KCNQ4: variants seen among roughly 807,000 people sequenced by gnomAD.
KCNQ4 encodes potassium voltage-gated channel subfamily KQT member 4.
A neutral mutation model predicts 72.6 loss-of-function variants in KCNQ4; 31 were observed. The observed-to-expected ratio is 0.43, with a 90% CI of 0.32 to 0.58. The LOEUF (loss-of-function observed/expected upper bound fraction) is 0.58, where lower values mean the gene tolerates loss of function less well. Ranked by LOEUF, KCNQ4 falls within the 20% of genes least tolerant of loss-of-function variation. The probability of loss-of-function intolerance (pLI) is 0.08; values close to 1 mark genes in which losing one functional copy is unlikely to be tolerated. For missense variants in KCNQ4, 869 were observed against 962.6 expected (o/e 0.90, Z 1.29); for synonymous variants, 405 against 403.7 (o/e 1.00, Z -0.04).
chr1:40,809,700 T>C (rs531952027), intron 1 of KCNQ4, among the ~76,000 whole-genome samples: 6 of 152,332 alleles, frequency 3.9e-5, no homozygotes, highest in African/African-American at 1.4e-4. Flanking sequence ...TCTTATCTCC[T>C]TTGATCTATT....
intron 7 of KCNQ4, among the ~76,000 whole-genome samples, chr1:40,822,056 A>G (rs960361948): frequency 1.3e-5 from 2 of 152,208 alleles, no homozygotes; most frequent in Non-Finnish European, 2.9e-5. Context: ...CTGCCTGACA[A>G]CAAAACTCCA....
intron 1 of KCNQ4, among the ~76,000 whole-genome samples, chr1:40,814,047 T>TGCA (rs1648010980): frequency 3.1e-5 from 1 of 32,370 alleles, no homozygotes; most frequent in African/African-American, 9.6e-5. Context: ...GCGCCCGGCC[T>TGCA]TTTTTTTTTT....
At chr1:40,837,628 G>A in intron 12 of KCNQ4, 37 bp from the exon 13 acceptor site, 3 of 1,598,846 alleles carry the variant, frequency 1.9e-6, no homozygotes, top group South Asian at 1.1e-5. Context: ...GAGGGACGGC[G>A]TGTCCCCGGG....
At position 40,784,731 on chromosome 1, in the gene KCNQ4, G is replaced by C. The variant is rs1647186352; in HGVS notation, c.314+324G>C. Among the ~76,000 whole-genome samples, 1 of 152,226 alleles carries C rather than the reference G, an allele frequency of 6.6e-6. No individual in the cohort carries two copies. Among genetic ancestry groups the C allele is most frequent in the Non-Finnish European group, 1.5e-5 (1 of 68,032 alleles). On this transcript the variant is annotated intron_variant, in intron 1 of 13. Transcript: ENST00000347132. This position sits in a 1 kb window ranked among gnomAD's most constrained non-coding sequence, Gnocchi z 4.1. ...GCCTCCCCCAAGTCCGCTTGGCGAA[G>C]TCTGGGGCCCCTGGAGTGGGCGCCC...
chr1:40,785,989 G>T (rs1020165838), intron 1 of KCNQ4, among the ~76,000 whole-genome samples: 1 of 152,150 alleles, frequency 6.6e-6, no homozygotes, highest in Admixed American at 6.5e-5. Flanking sequence ...CAGGGTCAAC[G>T]GTTTGTAGTA....
At chr1:40,803,015 T>C (rs1276414380) in intron 1 of KCNQ4, among the ~76,000 whole-genome samples, 1 of 152,178 alleles carries the variant, frequency 6.6e-6, no homozygotes, top group African/African-American at 2.4e-5. Context: ...ATACAATTTG[T>C]CCCCTTCCCC....
chr1:40,826,466 G>C (rs1162572634), intron 9 of KCNQ4, among the ~76,000 whole-genome samples: 2 of 152,178 alleles, frequency 1.3e-5, no homozygotes, highest in African/African-American at 2.4e-5. Flanking sequence ...GGATCCCTAT[G>C]CAAAGTGTGA....
chr1:40,815,527 T>C (rs1330223451), intron 1 of KCNQ4, among the ~76,000 whole-genome samples: 3 of 152,198 alleles, frequency 2.0e-5, no homozygotes, highest in Admixed American at 2.0e-4. Flanking sequence ...TGATTAATTA[T>C]TGAACATGAG....
chr1:40,819,141 G>A, intron 4 of KCNQ4, among the ~76,000 whole-genome samples: 1 of 139,658 alleles, frequency 7.2e-6, no homozygotes, highest in South Asian at 2.6e-4. Flanking sequence ...TGAGGGTGGG[G>A]GTGGGAATGG....
Position 40,820,243 on chromosome 1 carries a change from G to A in KCNQ4, c.1024G>A (p.Ala342Thr). The change falls in exon 7 of 14, where the codon GCA becomes ACA. Residue 342 changes from alanine (A) to threonine (T), a missense_variant. Transcript: ENST00000347132. ...QKHFEKRRMPAANLIQAAWRL... is the reference protein window; with the variant it reads ...QKHFEKRRMPTANLIQAAWRL... ...GCACTTCGAGAAGCGGAGGATGCCG[G>A]CAGCCAACCTCATCCAGGTACAAGA... 6.2e-7 allele frequency: 1 copy of A among 1,606,942 alleles called. No individual in the cohort carries two copies. The highest frequency in any genetic ancestry group is 8.5e-7 in the Non-Finnish European group (1 of 1,176,882).
intron 1 of KCNQ4, among the ~76,000 whole-genome samples, chr1:40,803,514 G>T (rs1647646367): frequency 6.6e-6 from 1 of 152,322 alleles, no homozygotes; most frequent in East Asian, 1.9e-4. Context: ...GGGCCTGCAG[G>T]CTGGGCAGCC....
In KCNQ4 at chr1:40,818,580, T is replaced by C; in HGVS notation, c.608T>C (p.Leu203Pro). The change falls in exon 4 of 14, where the codon CTG (leucine) becomes CCG (proline). Residue 203 changes from leucine (L) to proline (P), a missense_variant. By Grantham distance (98) the Leu-to-Pro change is moderately conservative (BLOSUM62 -3). Coordinates refer to ENST00000347132, the MANE Select transcript of KCNQ4 (RefSeq NM_004700.4). ...TQGNIFATSA[L>P]RSMRFLQILR... ...GGCAACATCTTCGCCACGTCCGCGC[T>C]GCGCAGCATGCGCTTCCTGCAGATC... 1 of 1,605,640 alleles carries C rather than the reference T, an allele frequency of 6.2e-7. No individual in the cohort carries two copies. The highest frequency in any genetic ancestry group is 1.3e-5 in the African/African-American group (1 of 75,058).
At chr1:40,800,149 C>A (rs1647532832) in intron 1 of KCNQ4, among the ~76,000 whole-genome samples, 1 of 152,134 alleles carries the variant, frequency 6.6e-6, no homozygotes, top group African/African-American at 2.4e-5. Flanking sequence ...CAGCCCTAGG[C>A]TCAAGGACGG....
At position 40,819,332 on chromosome 1, in the gene KCNQ4, C is replaced by T; in HGVS notation, c.709-15C>T. 1.9e-6 allele frequency: 3 copies of T among 1,613,586 alleles called. No individual in the cohort carries two copies. The highest frequency in any genetic ancestry group is 2.5e-6 in the Non-Finnish European group (3 of 1,179,948). ...GCACAGCGCTCCTCACCGCGCCCCTCCGCCTGCCCCGCAGGAGCTGATCAC... is the reference window on the plus strand; with the variant it reads ...GCACAGCGCTCCTCACCGCGCCCCTTCGCCTGCCCCGCAGGAGCTGATCAC... On this transcript the variant is annotated splice_polypyrimidine_tract_variant and intron_variant, in intron 4 of 13. Coordinates refer to ENST00000347132, the MANE Select transcript of KCNQ4 (RefSeq NM_004700.4).
In KCNQ4 at chr1:40,784,325, A is replaced by T; in HGVS notation, c.232A>T (p.Lys78Ter). Residue 78 changes from lysine (K) to a stop codon, truncating the protein, a stop_gained, in exon 1 of 14, where the codon AAG (lysine) becomes TAG (stop). Transcript: ENST00000347132. LOFTEE classifies it high-confidence loss of function. This position sits in a 1 kb window ranked among gnomAD's most constrained non-coding sequence, Gnocchi z 4.1. ...CGGCCAGCGCTCCTCGGCCGCGCAC[A>T]AGCGCTACCGCCGCCTGCAGAACTG... is the stretch of plus-strand genomic sequence containing the variant. ...ACGQRSSAAH[K>*]RYRRLQNWVY... The T allele has an allele frequency of 2.5e-6, 4 of 1,607,800 alleles. No individual in the cohort carries two copies. The highest frequency in any genetic ancestry group is 3.4e-6 in the Non-Finnish European group (4 of 1,178,754).
chr1:40,790,434 T>G (rs904416456), intron 1 of KCNQ4, among the ~76,000 whole-genome samples: 6 of 152,036 alleles, frequency 3.9e-5, no homozygotes, highest in Non-Finnish European at 5.9e-5. Flanking sequence ...CTGGAGAGAA[T>G]AGGAGCTATG....
At chr1:40,836,920 G>A (rs1251824371) in intron 12 of KCNQ4, among the ~76,000 whole-genome samples, 1 of 152,046 alleles carries the variant, frequency 6.6e-6, no homozygotes, top group Non-Finnish European at 1.5e-5. Flanking sequence ...ATTGGAGGTA[G>A]AGGATAGAGA....
chr1:40,837,565 TC>T, intron 12 of KCNQ4, 99 bp from the exon 13 acceptor site: 1 of 1,448,780 alleles, frequency 6.9e-7, no homozygotes, highest in Non-Finnish European at 9.4e-7. Context: ...AGATTGCCTG[TC>T]CCCTCGTGGT....
At chr1:40,789,106 G>A (rs2148833037) in intron 1 of KCNQ4, among the ~76,000 whole-genome samples, 1 of 152,312 alleles carries the variant, frequency 6.6e-6, no homozygotes, top group African/African-American at 2.4e-5. Flanking sequence ...GCGGGTCTGT[G>A]TGTATTTGTG....
Sources: allele counts gnomAD v4.1 joint callset (sites outside exome capture counted in the v4.1 genomes callset), GRCh38; gene constraint gnomAD v4.1.1; non-coding constraint Gnocchi (gnomAD v3.1); transcripts MANE v1.5; gene names NCBI Gene and HGNC (gene_info 2026-07-23, HGNC 2026-07-21).